IL1RAPL1: variants seen among roughly 807,000 people sequenced by gnomAD.
IL1RAPL1 encodes interleukin 1 receptor accessory protein like 1, also known as interleukin-1 receptor accessory protein-like 1.
In IL1RAPL1, 3 loss-of-function variants were observed where a neutral mutation model predicts 48.4. That is an observed-to-expected ratio of 0.06 (90% CI 0.03 to 0.16). The LOEUF (loss-of-function observed/expected upper bound fraction) is 0.16. Among genes scored for constraint, IL1RAPL1 ranks in the 10% least tolerant of loss-of-function variants. The probability of loss-of-function intolerance (pLI) is 1.00; values close to 1 mark genes in which losing one functional copy is unlikely to be tolerated. For synonymous variants in IL1RAPL1, 185 were observed against 187.7 expected, an observed-to-expected ratio of 0.99 and a Z score of 0.12; for missense variants, 349 against 530.6, an observed-to-expected ratio of 0.66 and a Z score of 3.36.
At chrX:29,241,832 A>G (rs888993367) in intron 2 of IL1RAPL1, among the ~76,000 whole-genome samples, 7 of 111,818 alleles carry the variant, frequency 6.3e-5, no homozygotes, top group Non-Finnish European at 1.1e-4. Context: ...AGTTCTCTAT[A>G]TAACATTTTT....
Position 29,306,677 on chromosome X carries a change from A to G in IL1RAPL1, c.362+23460A>G, listed in dbSNP as rs184181905. Among the ~76,000 whole-genome samples, 4 of 106,689 alleles carry G rather than the reference A, an allele frequency of 3.7e-5. No individual in the cohort carries two copies. The Admixed American group carries it at 4.1e-4, about 11-fold the overall frequency. The allele number at this position is 106,689 out of a possible 115,157, so 92.6% of individuals were successfully genotyped here. On this transcript the variant is annotated intron_variant, in intron 3 of 10. Transcript: ENST00000378993. ...GGCGTTCACGACCAGCCTGGCCAAT[A>G]TGGTAAAACCCCATCTCTACTAAAA...
chrX:29,187,603 G>A (rs1470185133), intron 2 of IL1RAPL1, among the ~76,000 whole-genome samples: 1 of 111,284 alleles, frequency 9.0e-6, no homozygotes, highest in Non-Finnish European at 1.9e-5. Flanking sequence ...CATCTTCCAA[G>A]GCCGTTCACA....
intron 5 of IL1RAPL1, among the ~76,000 whole-genome samples, chrX:29,562,089 CTGT>C (rs1922233158): frequency 1.4e-5 from 1 of 73,511 alleles, no homozygotes; most frequent in African/African-American, 6.5e-5. Context: ...TCTAATCTAT[CTGT>C]CTATCTATCT....
intron 2 of IL1RAPL1, among the ~76,000 whole-genome samples, chrX:29,118,785 TA>T (rs1261641584): frequency 2.7e-5 from 3 of 111,140 alleles, no homozygotes; most frequent in East Asian, 2.8e-4. Context: ...ATTTCTACTT[TA>T]AAAAAAATGA....
intron 1 of IL1RAPL1, chrX:28,659,206 A>G (rs1482006193): frequency 1.3e-6 from 1 of 754,551 alleles, no homozygotes. Flanking sequence ...AAGCACCGAT[A>G]GCTGCACTCT....
At chrX:29,162,751 C>G (rs1013249674) in intron 2 of IL1RAPL1, among the ~76,000 whole-genome samples, 1 of 110,850 alleles carries the variant, frequency 9.0e-6, no homozygotes, top group Non-Finnish European at 1.9e-5. Context: ...TTATGTCTAC[C>G]TTCAAGGAGG....
intron 2 of IL1RAPL1, among the ~76,000 whole-genome samples, chrX:28,835,439 G>A (rs915417446): frequency 3.6e-5 from 4 of 111,515 alleles, no homozygotes; most frequent in Admixed American, 9.6e-5. Context: ...TGAGCTGAAG[G>A]AATAGGAATT....
intron 6 of IL1RAPL1, among the ~76,000 whole-genome samples, chrX:29,736,776 C>T (rs1049386640): frequency 2.7e-5 from 3 of 112,110 alleles, no homozygotes; most frequent in East Asian, 2.8e-4. Context: ...ATGCAGTCAC[C>T]TTAATGTGGC....
At chrX:29,268,332 A>G (rs1931988402) in intron 2 of IL1RAPL1, among the ~76,000 whole-genome samples, 1 of 112,134 alleles carries the variant, frequency 8.9e-6, no homozygotes, top group South Asian at 3.7e-4. Context: ...GTGATTGACT[A>G]TTTCATGGCG....
chrX:29,070,759 C>CA (rs1376845616), intron 2 of IL1RAPL1, among the ~76,000 whole-genome samples: 1 of 110,178 alleles, frequency 9.1e-6, no homozygotes, highest in Admixed American at 9.7e-5. Flanking sequence ...TATAGTCTGG[C>CA]AAAAAAAGGT....
intron 3 of IL1RAPL1, among the ~76,000 whole-genome samples, chrX:29,319,546 G>C (rs867826529): frequency 6.5e-4 from 53 of 81,001 alleles, no homozygotes; most frequent in Non-Finnish European, 1.1e-3. Flanking sequence ...ATGTATGTAT[G>C]TATGTATGTA....
intron 5 of IL1RAPL1, among the ~76,000 whole-genome samples, chrX:29,399,644 C>A (rs1207465579): frequency 9.1e-6 from 1 of 110,490 alleles, no homozygotes; most frequent in Non-Finnish European, 1.9e-5. Flanking sequence ...CATGGTGAAA[C>A]CCTGTGTCTA....
chrX:29,713,615 G>A (rs1468877266), intron 6 of IL1RAPL1, among the ~76,000 whole-genome samples: 2 of 111,394 alleles, frequency 1.8e-5, no homozygotes, highest in Non-Finnish European at 3.8e-5. Flanking sequence ...GCAAGGTGTG[G>A]TTTAACAAGC....
chrX:29,083,760 C>G (rs1010641279), intron 2 of IL1RAPL1, among the ~76,000 whole-genome samples: 2 of 111,690 alleles, frequency 1.8e-5, no homozygotes, highest in Admixed American at 9.5e-5. Flanking sequence ...AAATAAAAAC[C>G]CCAACCTTTG....
intron 6 of IL1RAPL1, among the ~76,000 whole-genome samples, chrX:29,742,362 ATTTAC>A (rs1483193014): frequency 6.3e-5 from 7 of 111,285 alleles, no homozygotes; most frequent in Non-Finnish European, 1.3e-4. Context: ...TTTTCAGGTC[ATTTAC>A]TTTAAGACTC....
In IL1RAPL1 at chrX:28,918,875, G is replaced by A. The variant is rs769171203; in HGVS notation, c.82+129450G>A. Among the ~76,000 whole-genome samples the A allele has an allele frequency of 2.7e-5, 3 of 111,403 alleles. No homozygotes were observed. In the South Asian group the frequency reaches 1.1e-3, roughly 42 times the overall value. ...TGTAGGTCATATAAAACCTTGTAGG[G>A]GGTTTGAGCTTCTTGAAGCCTATGA... On this transcript the variant is annotated intron_variant, in intron 2 of 10. Coordinates refer to ENST00000378993, the MANE Select transcript of IL1RAPL1 (RefSeq NM_014271.4).
At chrX:28,678,951 C>A (rs2146918561) in intron 1 of IL1RAPL1, among the ~76,000 whole-genome samples, 1 of 111,736 alleles carries the variant, frequency 8.9e-6, no homozygotes, top group African/African-American at 3.3e-5. Flanking sequence ...AATATATGCC[C>A]AGAAGTGGGA....
At chrX:29,335,153 C>T (rs1484264202) in intron 3 of IL1RAPL1, among the ~76,000 whole-genome samples, 1 of 104,986 alleles carries the variant, frequency 9.5e-6, no homozygotes, top group African/African-American at 3.4e-5. Context: ...GTCGCAGGCA[C>T]TCGGCAGGCT....
intron 2 of IL1RAPL1, among the ~76,000 whole-genome samples, chrX:29,080,994 T>C (rs5943596): frequency 0.17 from 4,225 of 25,552 alleles, 274 homozygotes; most frequent in South Asian, 0.26. Context: ...CTTTCTTTCT[T>C]TCTCTCTCTC....
Sources: gnomAD v4.1 joint callset for allele counts (sites outside exome capture counted in the v4.1 genomes callset) on GRCh38, gnomAD v4.1.1 for gene constraint, MANE v1.5 for transcripts, NCBI Gene and HGNC (gene_info 2026-07-23, HGNC 2026-07-21) for gene names.